The following INSR variants were observed in gnomAD, a reference collection of about 807,000 sequenced individuals.
INSR encodes IR.
A neutral mutation model predicts 142.6 loss-of-function variants in INSR; 67 were observed. That is an observed-to-expected ratio of 0.47 (90% CI 0.39 to 0.58). The LOEUF is 0.58. Ranked by LOEUF, INSR falls within the 20% of genes least tolerant of loss-of-function variation. INSR has a pLI of 0.00. For synonymous variants in INSR, 756 were observed against 743.1 expected, an observed-to-expected ratio of 1.02 and a Z score of -0.28; for missense variants, 1,248 against 1,833.2, an observed-to-expected ratio of 0.68 and a Z score of 5.83.
At chr19:7,153,370 C>CACACCACACACCACACACACCAA (rs1973488570) in intron 9 of INSR, among the ~76,000 whole-genome samples, 1 of 69,406 alleles carries the variant, frequency 1.4e-5, no homozygotes, top group Admixed American at 1.3e-4. Flanking sequence ...ACACACCCCA[C>CACACCACACACCACACACACCAA]ACACACCATA....
chr19:7,156,782 C>CTTTTT (rs746400499), intron 9 of INSR, among the ~76,000 whole-genome samples: 22 of 63,186 alleles, frequency 3.5e-4, no homozygotes, highest in South Asian at 1.4e-3. Flanking sequence ...CTATTTCTCT[C>CTTTTT]TTTTTTTTTT....
chr19:7,184,886 G>A (rs1299842959), intron 2 of INSR, among the ~76,000 whole-genome samples: 2 of 152,138 alleles, frequency 1.3e-5, no homozygotes, highest in African/African-American at 4.8e-5. Context: ...AGCTGCCTGA[G>A]GGAGGGGCCC....
rs1289889579 is a variant in INSR, at chr19:7,150,469, C to T, written c.2267+28G>A. On this transcript the variant is annotated intron_variant, in intron 11 of 21. Transcript: ENST00000302850. The surrounding 1 kb of genome is among the most constrained non-coding windows in gnomAD (Gnocchi z 4.2). ...CGCCGCCGGCCCTGCGCGGAGCAGG[C>T]ACCAGGGGTCGCACAGGTGAGTCAT... 6.2e-7 allele frequency: 1 copy of T among 1,612,122 alleles called. No homozygotes were observed. The highest frequency in any genetic ancestry group is 1.3e-5 in the African/African-American group (1 of 75,050).
rs1163241729 is a variant in INSR, at chr19:7,174,488, CG to C, written c.1123+94del. On this transcript the variant is annotated intron_variant, in intron 4 of 21. Coordinates refer to ENST00000302850, the MANE Select transcript of INSR (RefSeq NM_000208.4). ...CCATCCTAAAAGTGCTGTAGGAGCA[CG>C]CAGCAGGGTCTGCACTGCTTTTCTT... 3.6e-6 allele frequency: 5 copies of C among 1,391,086 alleles called. No homozygotes were observed. In the African/African-American group the frequency reaches 7.1e-5, roughly 20 times the overall value. 86.2% of individuals were successfully genotyped at this position (1,391,086 alleles called of 1,614,324 possible). A position where few individuals can be genotyped will look rare whatever the true frequency, so the allele number is the denominator to read the frequency against.
chr19:7,164,255 G>A (rs181995744), intron 8 of INSR, among the ~76,000 whole-genome samples: 4 of 152,208 alleles, frequency 2.6e-5, no homozygotes, highest in South Asian at 4.1e-4. Context: ...TTCCGCCCAC[G>A]AAATGCCAGT....
chr19:7,270,333 T>TCACACACACA (rs1261592271), intron 1 of INSR, among the ~76,000 whole-genome samples: 7 of 65,442 alleles, frequency 1.1e-4, no homozygotes, highest in African/African-American at 2.5e-4. Context: ...TCTCTCTCTC[T>TCACACACACA]CTCTCTCACA....
At position 7,117,236 on chromosome 19, in the gene INSR, G is replaced by A; in HGVS notation, c.3969C>T (p.Asp1323=). 1 of 1,614,156 alleles carries A rather than the reference G, an allele frequency of 6.2e-7. No homozygotes were observed. The change falls in exon 22 of 22, where the codon GAC becomes GAT. Residue 1323 remains aspartate, a synonymous_variant. Coordinates refer to ENST00000302850, the MANE Select transcript of INSR (RefSeq NM_000208.4). ...ESEELEMEFE[D]MENVPLDRSS... The stretch of plus-strand genomic sequence containing the variant: ...AACGGTCCAGGGGCACATTCTCCAT[G>A]TCCTCAAACTCCATCTCCAGCTCCT...
intron 1 of INSR, among the ~76,000 whole-genome samples, chr19:7,275,068 T>G (rs958868040): frequency 4.6e-5 from 7 of 151,574 alleles, no homozygotes; most frequent in African/African-American, 1.7e-4. Flanking sequence ...CTCTGCCGCC[T>G]GGGTTCAAGT....
Position 7,216,981 on chromosome 19 carries a change from TTTC to T in INSR, c.653-32347_653-32345del, listed in dbSNP as rs200600781. Among the ~76,000 whole-genome samples, 384 of 134,392 alleles carry T rather than the reference TTTC, an allele frequency of 2.9e-3. 87 individuals carry two copies. The highest frequency in any genetic ancestry group is 4.3e-3 in the South Asian group (18 of 4,146). 88.2% of individuals were successfully genotyped at this position (134,392 alleles called of 152,430 possible). ...TGTGTGCCACCAAGCCCAGCTAATT[TTTC>T]TTCTTCTTCTTCTTCTTTTTTTTTT... On this transcript the variant is annotated intron_variant, in intron 2 of 21. Transcript: ENST00000302850. This position sits in a 1 kb window ranked among gnomAD's most constrained non-coding sequence, Gnocchi z 4.2.
intron 2 of INSR, among the ~76,000 whole-genome samples, chr19:7,201,804 A>T (rs1458123632): frequency 5.1e-5 from 3 of 58,516 alleles, no homozygotes. Flanking sequence ...CTGGGACTAC[A>T]GGCGCGGCCA....
intron 12 of INSR, 57 bp from the exon 13 acceptor site, chr19:7,141,873 T>A: frequency 7.0e-7 from 1 of 1,428,782 alleles, no homozygotes; most frequent in Non-Finnish European, 9.8e-7. Context: ...ATCCCACTTC[T>A]GCCACCTGTC....
At chr19:7,263,248 C>A (rs66496113) in intron 2 of INSR, among the ~76,000 whole-genome samples, 1 of 151,072 alleles carries the variant, frequency 6.6e-6, no homozygotes, top group African/African-American at 2.4e-5. Context: ...CACTGCCCCC[C>A]AGCCTAGGTG....
At chr19:7,199,559 GCT>G (rs1974892867) in intron 2 of INSR, among the ~76,000 whole-genome samples, 1 of 52,058 alleles carries the variant, frequency 1.9e-5, no homozygotes, top group Non-Finnish European at 3.9e-5. Context: ...CACTGCGACA[GCT>G]TTTTTTTTTT....
rs1056440378 is a variant in INSR, at chr19:7,283,806, G to A, written c.100+9986C>T. ...TTGGCTCTGTGAAATTCCCCTGAAT[G>A]TTGAACTAGTGAATACTGAACCATT... On this transcript the variant is annotated intron_variant, in intron 1 of 21. Coordinates refer to ENST00000302850, the MANE Select transcript of INSR (RefSeq NM_000208.4). 3.9e-5 allele frequency among the ~76,000 whole-genome samples: 6 copies of A among 152,146 alleles called. No homozygotes were observed. In the East Asian group the frequency reaches 7.7e-4, roughly 20 times the overall value.
Position 7,264,069 on chromosome 19 carries a change from T to G in INSR, c.652+3276A>C, listed in dbSNP as rs549873349. The stretch of plus-strand genomic sequence containing the variant: ...CTGTAATCCTAGCTACTCGGGAGGC[T>G]GAGGCAGGAGAATCGCTTGAAGCCA... On this transcript the variant is annotated intron_variant, in intron 2 of 21. Coordinates refer to ENST00000302850, the MANE Select transcript of INSR (RefSeq NM_000208.4). Among the ~76,000 whole-genome samples the G allele has an allele frequency of 1.4e-4, 21 of 151,516 alleles. No homozygotes were observed. The South Asian group carries it at 4.2e-3, about 30-fold the overall frequency.
At chr19:7,239,859 C>T (rs950778434) in intron 2 of INSR, among the ~76,000 whole-genome samples, 36 of 152,062 alleles carry the variant, frequency 2.4e-4, no homozygotes. Context: ...AGAACTCATG[C>T]AGCAGGTGTA....
chr19:7,209,269 T>G (rs947890383), intron 2 of INSR, among the ~76,000 whole-genome samples: 1 of 152,180 alleles, frequency 6.6e-6, no homozygotes, highest in Non-Finnish European at 1.5e-5. Context: ...AAGGCTGCAG[T>G]GAGCTGTGAT....
intron 2 of INSR, among the ~76,000 whole-genome samples, chr19:7,206,110 A>C (rs903417394): frequency 3.9e-5 from 6 of 152,302 alleles, no homozygotes; most frequent in African/African-American, 1.4e-4. Context: ...AATAGCACTC[A>C]CAACTTCCTT....
chr19:7,199,343 A>T (rs1974884255), intron 2 of INSR, among the ~76,000 whole-genome samples: 3 of 151,942 alleles, frequency 2.0e-5, no homozygotes, highest in Non-Finnish European at 4.4e-5. Context: ...TCCCAGAGAG[A>T]CCAGGAGAGG....
Sources: gnomAD v4.1 joint callset for allele counts (sites outside exome capture counted in the v4.1 genomes callset) on GRCh38, gnomAD v4.1.1 for gene constraint, Gnocchi (gnomAD v3.1) non-coding constraint, MANE v1.5 for transcripts, NCBI Gene and HGNC (gene_info 2026-07-23, HGNC 2026-07-21) for gene names.